SHMT1: variants seen among roughly 807,000 people sequenced by gnomAD.
The protein encoded by SHMT1 is serine hydroxymethyltransferase 1, also known as serine hydroxymethyltransferase, cytosolic.
In SHMT1, 45 loss-of-function variants were observed where a neutral mutation model predicts 49.0. That is an observed-to-expected ratio of 0.92 (90% confidence interval 0.72 to 1.18). SHMT1 has a LOEUF of 1.18. Ranked by LOEUF, SHMT1 falls within the 50% of genes most tolerant of loss-of-function variation. SHMT1 has a pLI of 0.00. For missense variants in SHMT1, 541 were observed against 612.4 expected, an observed-to-expected ratio of 0.88 and a Z score of 1.23; for synonymous variants, 232 against 246.6, an observed-to-expected ratio of 0.94 and a Z score of 0.55.
chr17:18,328,768 A>G lies in SHMT1; in HGVS notation c.1434T>C (p.Pro478=). The change falls in exon 12 of 12, where the codon CCT becomes CCC. Residue 478 remains proline, a synonymous_variant. Transcript: ENST00000316694. ...CGCTCCTTTAGAAGTCAGGCAGGCCAGGCAGAGGGAAGAGAGAGGCGAAGC... is the reference window on the plus strand; with the variant it reads ...CGCTCCTTTAGAAGTCAGGCAGGCCGGGCAGAGGGAAGAGAGAGGCGAAGC... ...VESFASLFPL[P]GLPDF 1.3e-6 allele frequency: 2 copies of G among 1,586,022 alleles called. No individual in the cohort carries two copies. Among genetic ancestry groups the G allele is most frequent in the Admixed American group, 1.8e-5 (1 of 56,354 alleles).
At chr17:18,334,130 G>A (rs1983540164) in intron 8 of SHMT1, among the ~76,000 whole-genome samples, 1 of 152,082 alleles carries the variant, frequency 6.6e-6, no homozygotes, top group African/African-American at 2.4e-5. Flanking sequence ...AGTAGAGACA[G>A]GGTTTCACTG....
At chr17:18,350,768 T>C (rs1306237071) in intron 3 of SHMT1, among the ~76,000 whole-genome samples, 1 of 151,986 alleles carries the variant, frequency 6.6e-6, no homozygotes, top group Non-Finnish European at 1.5e-5. Flanking sequence ...AGTCTTGCTC[T>C]GTCTCCCAGG....
At chr17:18,334,689 G>C (rs1158164444) in intron 8 of SHMT1, among the ~76,000 whole-genome samples, 1 of 152,114 alleles carries the variant, frequency 6.6e-6, no homozygotes, top group Non-Finnish European at 1.5e-5. Context: ...ACAGAGAATG[G>C]AGGATAAGGA....
intron 3 of SHMT1, among the ~76,000 whole-genome samples, chr17:18,352,121 AGGG>A (rs1985772334): frequency 6.7e-6 from 1 of 148,958 alleles, no homozygotes; most frequent in Non-Finnish European, 1.5e-5. Context: ...CTGGGATTAC[AGGG>A]GTGAGCCACT....
At chr17:18,347,135 G>A (rs1357592474) in intron 5 of SHMT1, among the ~76,000 whole-genome samples, 1 of 152,236 alleles carries the variant, frequency 6.6e-6, no homozygotes, top group African/African-American at 2.4e-5. Flanking sequence ...GATGTCACCA[G>A]GCGAGGGCAG....
intron 1 of SHMT1, among the ~76,000 whole-genome samples, chr17:18,356,283 C>A (rs1249945743): frequency 6.6e-6 from 1 of 152,094 alleles, no homozygotes; most frequent in African/African-American, 2.4e-5. Flanking sequence ...ACCTTGTCAT[C>A]CGCCCACGTT....
At chr17:18,337,369 G>A (rs139999317) in intron 7 of SHMT1, among the ~76,000 whole-genome samples, 30 of 152,292 alleles carry the variant, frequency 2.0e-4, no homozygotes, top group African/African-American at 6.7e-4. Flanking sequence ...TCTCCTGGGC[G>A]GGTGGGAATG....
At chr17:18,339,959 C>T (rs1170936244) in intron 7 of SHMT1, 84 bp downstream of exon 7, 1 of 1,377,926 alleles carries the variant, frequency 7.3e-7, no homozygotes, top group Non-Finnish European at 1.0e-6. Flanking sequence ...CAGAGTTTTT[C>T]CCAGCTCCCT....
At chr17:18,348,285 A>G (rs1457160383) in intron 4 of SHMT1, 40 bp downstream of exon 4, 2 of 1,315,090 alleles carry the variant, frequency 1.5e-6, no homozygotes, top group Admixed American at 3.4e-5. Flanking sequence ...GGGGATGCAC[A>G]TGAAGAGGCT....
intron 2 of SHMT1, 92 bp from the exon 3 acceptor site, chr17:18,353,909 A>G (rs1234226716): frequency 1.9e-6 from 2 of 1,076,510 alleles, no homozygotes; most frequent in Non-Finnish European, 2.9e-6. Context: ...GAGAAAAGAC[A>G]CTCTTTCACA....
At position 18,363,372 on chromosome 17, in the gene SHMT1, C is replaced by T. The variant is rs969944263; in HGVS notation, c.-20G>A. 1 of 152,460 alleles carries T rather than the reference C, an allele frequency of 6.6e-6. No homozygotes were observed. Among genetic ancestry groups the T allele is most frequent in the African/African-American group, 2.4e-5 (1 of 41,462 alleles). The allele number at this position is 152,460 out of a possible 1,614,324, so 9.4% of individuals were successfully genotyped here. ...ACCGGAACACGGCCCGCGCACGTAC[C>T]TAGCGACGCCTCCGTCCTACGCCGC... On this transcript the variant is annotated splice_region_variant and 5_prime_UTR_variant, in exon 1 of 12. Transcript: ENST00000316694.
chr17:18,354,144 G>A (rs546368150), intron 2 of SHMT1, among the ~76,000 whole-genome samples: 29 of 152,300 alleles, frequency 1.9e-4, no homozygotes, highest in Middle Eastern at 3.4e-3. Context: ...TTGGCTGGGC[G>A]TGGTGGCTCA....
At chr17:18,363,253 G>A (rs672356) in intron 1 of SHMT1, 119 bp downstream of exon 1, 38,912 of 152,192 alleles carry the variant, frequency 0.26, 5,286 homozygotes, top group Non-Finnish European at 0.3. Flanking sequence ...CATTGCGGCT[G>A]CAGAGGGTGG....
intron 9 of SHMT1, chr17:18,331,692 C>T (rs920955523): frequency 6.6e-6 from 1 of 152,270 alleles, no homozygotes. Context: ...CAGCATCACC[C>T]AAGGCCTGGT....
At chr17:18,353,166 A>C (rs1402376433) in intron 3 of SHMT1, among the ~76,000 whole-genome samples, 2 of 147,926 alleles carry the variant, frequency 1.4e-5, no homozygotes, top group Non-Finnish European at 1.5e-5. Context: ...TGATGACTGT[A>C]AAAAACAAAA....
At position 18,340,704 on chromosome 17, in the gene SHMT1, C is replaced by T. The variant is rs769104286; in HGVS notation, c.601+28G>A. 4 of 1,594,034 alleles carry T rather than the reference C, an allele frequency of 2.5e-6. No individual in the cohort carries two copies. The highest frequency in any genetic ancestry group is 1.1e-5 in the South Asian group (1 of 87,986). On this transcript the variant is annotated intron_variant, in intron 6 of 11. Transcript: ENST00000316694. This position sits in a 1 kb window ranked among gnomAD's most constrained non-coding sequence, Gnocchi z 4.5. ...TAAGAGGCACCAGGCTACTGGTGAA[C>T]AAGGTGACTTTCCGCCCCGCGCATC...
rs747477219 is a variant in SHMT1, at chr17:18,353,671, C to T, written c.242+1G>A. On this transcript the variant is annotated splice_donor_variant, in intron 3 of 11. Transcript: ENST00000316694. LOFTEE classifies it high-confidence loss of function. ...CCAGGCCTTTGAAGATATTCACATA[C>T]CTCTGGCCCGGGTACCCCTCAGAGT... 15 of 1,614,104 alleles carry T rather than the reference C, an allele frequency of 9.3e-6. No homozygotes were observed. The South Asian group carries it at 1.6e-4, about 18-fold the overall frequency.
chr17:18,340,322 T>C lies in SHMT1; in HGVS notation c.602-67A>G. 2.7e-6 allele frequency: 4 copies of C among 1,506,942 alleles called. No homozygotes were observed. Among genetic ancestry groups the C allele is most frequent in the Non-Finnish European group, 3.7e-6 (4 of 1,087,342 alleles). 93.3% of individuals were successfully genotyped at this position (1,506,942 alleles called of 1,614,324 possible). On this transcript the variant is annotated intron_variant, in intron 6 of 11. Coordinates refer to ENST00000316694, the MANE Select transcript of SHMT1 (RefSeq NM_004169.5). The surrounding 1 kb of genome is among the most constrained non-coding windows in gnomAD (Gnocchi z 4.5). ...CCGGCCAGCTGAGTTGGCTTCACAG[T>C]GGCCTCTAGATGTGCAGATCTGAAA...
chr17:18,342,220 C>T (rs1984595402), intron 5 of SHMT1, among the ~76,000 whole-genome samples: 2 of 152,100 alleles, frequency 1.3e-5, no homozygotes, highest in Admixed American at 1.3e-4. Flanking sequence ...AATAATCAGT[C>T]TGAAAAAAGA....
Sources: allele counts gnomAD v4.1 joint callset (sites outside exome capture counted in the v4.1 genomes callset), GRCh38; gene constraint gnomAD v4.1.1; non-coding constraint Gnocchi (gnomAD v3.1); transcripts MANE v1.5; gene names NCBI Gene and HGNC (gene_info 2026-07-23, HGNC 2026-07-21).